RUNX2: variants seen among roughly 807,000 people sequenced by gnomAD.
RUNX2 encodes the protein RUNX family transcription factor 2, also known as runt-related transcription factor 2.
RUNX2 carries 10 observed loss-of-function variants against 51.7 expected under a neutral mutation model. That is an observed-to-expected ratio of 0.19 (90% CI 0.12 to 0.33). The LOEUF (loss-of-function observed/expected upper bound fraction) is 0.33. Among genes scored for constraint, RUNX2 ranks in the 10% least tolerant of loss-of-function variants. RUNX2 has a pLI of 1.00. For missense variants in RUNX2, 562 were observed against 691.3 expected, an observed-to-expected ratio of 0.81 and a Z score of 2.10; for synonymous variants, 276 against 273.6, an observed-to-expected ratio of 1.01 and a Z score of -0.09.
intron 4 of RUNX2, among the ~76,000 whole-genome samples, chr6:45,435,963 A>G (rs1798673804): frequency 6.6e-6 from 1 of 152,138 alleles, no homozygotes; most frequent in South Asian, 2.1e-4. Flanking sequence ...TCTGGTTTCT[A>G]ATTCTGTAGG....
chr6:45,351,277 T>G (rs1791986257), intron 2 of RUNX2, among the ~76,000 whole-genome samples: 1 of 151,170 alleles, frequency 6.6e-6, no homozygotes. Context: ...CCACAGAGAC[T>G]GCCCTCCTAC....
At chr6:45,466,270 G>A (rs1251720861) in intron 5 of RUNX2, among the ~76,000 whole-genome samples, 8 of 151,498 alleles carry the variant, frequency 5.3e-5, no homozygotes, top group South Asian at 2.1e-4. Context: ...CCGAGATCCC[G>A]CCATTGCACT....
At chr6:45,438,885 A>G (rs1236935044) in intron 5 of RUNX2, among the ~76,000 whole-genome samples, 2 of 152,208 alleles carry the variant, frequency 1.3e-5, no homozygotes, top group Non-Finnish European at 2.9e-5. Context: ...CAATGGAAAC[A>G]TCATATAGAA....
chr6:45,423,508 C>G (rs1330908459), intron 3 of RUNX2, among the ~76,000 whole-genome samples: 1 of 152,190 alleles, frequency 6.6e-6, no homozygotes, highest in Admixed American at 6.5e-5. Flanking sequence ...TCTCGGCGTC[C>G]CCTTCCCCGA....
intron 2 of RUNX2, among the ~76,000 whole-genome samples, chr6:45,366,370 TA>T (rs112396437): frequency 0.23 from 34,360 of 152,082 alleles, 4,557 homozygotes; most frequent in Non-Finnish European, 0.31. Flanking sequence ...TCCTCATCTG[TA>T]AATGGCAACG....
chr6:45,411,335 T>G (rs930989815), intron 2 of RUNX2, among the ~76,000 whole-genome samples: 1 of 152,220 alleles, frequency 6.6e-6, no homozygotes, highest in South Asian at 2.1e-4. Context: ...TTTTATTCAG[T>G]GACAAGTGCA....
intron 2 of RUNX2, among the ~76,000 whole-genome samples, chr6:45,349,669 T>C (rs150441355): frequency 8.5e-5 from 13 of 152,354 alleles, no homozygotes; most frequent in South Asian, 2.1e-4. Context: ...TCACTGGTTT[T>C]CATCAATTTG....
rs367974311 is a variant in RUNX2 at position 45,423,912 on chromosome 6, A to C, written c.423+955A>C. On this transcript the variant is annotated intron_variant, in intron 3 of 8. Transcript: ENST00000647337. ...ACCGAGCTCTGCGCCTCGCCCCGCC[A>C]GGGAGGGATGAGGGAAACCTGTGGA... Among the ~76,000 whole-genome samples, 12 of 152,328 alleles carry C rather than the reference A, an allele frequency of 7.9e-5. No individual in the cohort carries two copies. In the East Asian group the frequency reaches 2.1e-3, roughly 27 times the overall value.
chr6:45,492,237 C>A (rs976552691), intron 6 of RUNX2, 123 bp downstream of exon 6: 7 of 877,788 alleles, frequency 8.0e-6, no homozygotes, highest in African/African-American at 6.8e-5. Context: ...ATTAAAGAAT[C>A]AAGACTTGAA....
chr6:45,461,786 A>G (rs972380023), intron 5 of RUNX2, among the ~76,000 whole-genome samples: 4 of 151,950 alleles, frequency 2.6e-5, no homozygotes, highest in Non-Finnish European at 4.4e-5. Context: ...GATTAGGTCC[A>G]TTAGATTTTG....
At chr6:45,337,930 G>A (rs1788932653) in intron 2 of RUNX2, among the ~76,000 whole-genome samples, 1 of 151,868 alleles carries the variant, frequency 6.6e-6, no homozygotes, top group South Asian at 2.1e-4. Context: ...CAAAACTCCT[G>A]ACTTGACAAT....
In RUNX2 at chr6:45,393,767, C is replaced by T. The variant is rs1247550483; in HGVS notation, c.59-28826C>T. ...TTATAAAGAAAAGAGGTTTAATTGG[C>T]TCATAGTTCTGCAGGCTATATAAGA... On this transcript the variant is annotated intron_variant, in intron 2 of 8. Transcript: ENST00000647337. Among the ~76,000 whole-genome samples, 3 of 152,054 alleles carry T rather than the reference C, an allele frequency of 2.0e-5. No individual in the cohort carries two copies. In the East Asian group the frequency reaches 5.8e-4, roughly 30 times the overall value.
At chr6:45,393,575 G>A (rs56092589) in intron 2 of RUNX2, among the ~76,000 whole-genome samples, 2,828 of 151,964 alleles carry the variant, frequency 0.019, 47 homozygotes, top group South Asian at 0.044. Flanking sequence ...GACTGCAGGC[G>A]CCCGCCACCA....
chr6:45,370,248 T>C (rs1795833116), intron 2 of RUNX2, among the ~76,000 whole-genome samples: 1 of 152,168 alleles, frequency 6.6e-6, no homozygotes, highest in African/African-American at 2.4e-5. Context: ...ATTTCTGGAA[T>C]ACATTTTGAA....
At chr6:45,539,787 T>C (rs1802159712) in intron 7 of RUNX2, among the ~76,000 whole-genome samples, 1 of 152,340 alleles carries the variant, frequency 6.6e-6, no homozygotes, top group African/African-American at 2.4e-5. Context: ...AGCACCATAC[T>C]ATAAGGTAGG....
chr6:45,437,083 A>G (rs988909265), intron 4 of RUNX2, among the ~76,000 whole-genome samples: 2 of 152,248 alleles, frequency 1.3e-5, no homozygotes, highest in Admixed American at 1.3e-4. Flanking sequence ...AGAGAATGGT[A>G]TCTTCTTCTG....
rs1031962825 is a variant in RUNX2, at chr6:45,406,119, T to A, written c.59-16474T>A. 2.6e-5 allele frequency among the ~76,000 whole-genome samples: 4 copies of A among 152,172 alleles called. No homozygotes were observed. The East Asian group carries it at 7.7e-4, about 29-fold the overall frequency. On this transcript the variant is annotated intron_variant, in intron 2 of 8. Transcript: ENST00000647337. ...CAAATTCTCGACTGCTCTGTAAACA[T>A]TTTGAGGAAGTCTATGATATGATCA...
chr6:45,353,054 T>C lies in RUNX2; in HGVS notation c.58+24270T>C, dbSNP rs1206067320. On this transcript the variant is annotated intron_variant, in intron 2 of 8. Transcript: ENST00000647337. ...CTGAGAAGTTCTTCAGAGTCTCTAA[T>C]AGTACAGTAGTTAACCGGCCCACTC... Among the ~76,000 whole-genome samples the C allele has an allele frequency of 2.6e-5, 4 of 152,192 alleles. No homozygotes were observed. The East Asian group carries it at 7.7e-4, about 29-fold the overall frequency.
At chr6:45,368,757 C>CA (rs1294066495) in intron 2 of RUNX2, among the ~76,000 whole-genome samples, 2 of 152,096 alleles carry the variant, frequency 1.3e-5, no homozygotes, top group Non-Finnish European at 2.9e-5. Context: ...TGATTTTGAG[C>CA]ATCTACAGAG....
Sources: gnomAD v4.1 joint callset for allele counts (sites outside exome capture counted in the v4.1 genomes callset) on GRCh38, gnomAD v4.1.1 for gene constraint, MANE v1.5 for transcripts, NCBI Gene and HGNC (gene_info 2026-07-23, HGNC 2026-07-21) for gene names.